The following BBS2 variants were observed in gnomAD, a reference collection of about 807,000 sequenced individuals.
BBS2 encodes the protein Bardet-Biedl syndrome 2, also known as BBSome complex member BBS2.
In BBS2, 62 loss-of-function variants were observed where a neutral mutation model predicts 83.0. That is an observed-to-expected ratio of 0.75 (90% confidence interval 0.61 to 0.92). The LOEUF (loss-of-function observed/expected upper bound fraction) is 0.92. Among genes scored for constraint, BBS2 ranks in the 40% least tolerant of loss-of-function variants. The pLI is 0.00. For missense variants in BBS2, 784 were observed against 901.0 expected, an observed-to-expected ratio of 0.87 and a Z score of 1.66; for synonymous variants, 303 against 326.1, an observed-to-expected ratio of 0.93 and a Z score of 0.76.
rs529330796 is a variant in BBS2 at position 56,476,332 on chromosome 16, CTT to C, written c.*1-5639_*1-5638del. Reference sequence around the variant, plus strand: ...TGACAGTGTTCTTAAAACTGGTTGTCTTTTACTAGGACTCATAATGATTGTCC... The same window carrying C: ...TGACAGTGTTCTTAAAACTGGTTGTCTTACTAGGACTCATAATGATTGTCC... On this transcript the variant is annotated intron_variant, in intron 17 of 17. Coordinates refer to the BBS2 transcript ENST00000682047. 2.4e-5 allele frequency: 19 copies of C among 795,418 alleles called. No individual in the cohort carries two copies. The East Asian group carries it at 4.7e-4, about 20-fold the overall frequency. 49.3% of individuals were successfully genotyped at this position (795,418 alleles called of 1,614,324 possible).
downstream of BBS2, among the ~76,000 whole-genome samples, chr16:56,482,937 A>C (rs757187424): frequency 2.6e-4 from 40 of 152,320 alleles, no homozygotes; most frequent in Non-Finnish European, 3.5e-4. Flanking sequence ...TAAAAGAAGA[A>C]GACATGTTTC....
chr16:56,501,432 C>G lies in BBS2; in HGVS notation c.1146G>C (p.Arg382Ser), dbSNP rs1420277794. The G allele has an allele frequency of 1.2e-6, 2 of 1,614,136 alleles. No individual in the cohort carries two copies. The highest frequency in any genetic ancestry group is 8.5e-7 in the Non-Finnish European group (1 of 1,180,018). ...GHRGIIPANT[R>S]LHTTLSVSLG... ...GGCTGACTGAGAGCGTGGTGTGGAG[C>G]CTGGTATTGGCTGGGATTATGCCCC... The change falls in exon 10 of 17, where the codon AGG becomes AGC. Residue 382 changes from arginine (R) to serine (S), a missense_variant. Transcript: ENST00000245157.
downstream of BBS2, among the ~76,000 whole-genome samples, chr16:56,484,004 ATATTT>A (rs1963705142): frequency 9.8e-6 from 1 of 102,176 alleles, no homozygotes; most frequent in Admixed American, 1.0e-4. Flanking sequence ...CTCAGCCCAA[ATATTT>A]TTTTTTTTTT....
rs73547686 is a variant in BBS2 at position 56,499,047 on chromosome 16, A to G, written c.1528-479T>C. 3.8e-3 allele frequency: 925 copies of G among 244,842 alleles called. 6 individuals are homozygous for G. Among genetic ancestry groups the G allele is most frequent in the African/African-American group, 0.02 (867 of 43,302 alleles). The allele number at this position is 244,842 out of a possible 1,614,324, so 15.2% of individuals were successfully genotyped here. Reference sequence around the variant, plus strand: ...GATATATCCACACAATAAGGAAAATATAAGTTTTAATGTTAATAGCAGTAA... The same window carrying G: ...GATATATCCACACAATAAGGAAAATGTAAGTTTTAATGTTAATAGCAGTAA... On this transcript the variant is annotated intron_variant, in intron 12 of 16. Coordinates refer to ENST00000245157, the MANE Select transcript of BBS2 (RefSeq NM_031885.5).
chr16:56,519,512 A>AC (rs1964855676), intron 1 of BBS2: 1 of 543,836 alleles, frequency 1.8e-6, no homozygotes, highest in Admixed American at 3.1e-5. Flanking sequence ...AGGGACCCCG[A>AC]CCTCGCCTGA....
chr16:56,489,701 G>A lies in BBS2; in HGVS notation c.1911-3963C>T, dbSNP rs533518374. Among the ~76,000 whole-genome samples the A allele has an allele frequency of 1.1e-3, 168 of 152,212 alleles. 1 individual carries two copies. Among genetic ancestry groups the A allele is most frequent in the African/African-American group, 3.5e-3 (144 of 41,530 alleles). The stretch of plus-strand genomic sequence containing the variant: ...TGTAATCCCAGCTACTCGGGAGGCT[G>A]AAGCAGGAGAATGGCTTGAACCAGG... On this transcript the variant is annotated intron_variant, in intron 15 of 16. Transcript: ENST00000245157.
intron 15 of BBS2, among the ~76,000 whole-genome samples, chr16:56,488,338 A>G (rs1389975159): frequency 6.6e-6 from 1 of 152,218 alleles, no homozygotes; most frequent in Non-Finnish European, 1.5e-5. Flanking sequence ...GACTTCAGAT[A>G]CATATCACAA....
intron 15 of BBS2, among the ~76,000 whole-genome samples, chr16:56,490,150 A>ACAC (rs11463734): frequency 6.7e-6 from 1 of 149,816 alleles, no homozygotes; most frequent in African/African-American, 2.5e-5. Flanking sequence ...ACACACACAC[A>ACAC]AAAATAATAA....
intron 2 of BBS2, among the ~76,000 whole-genome samples, chr16:56,513,366 G>A (rs1167762647): frequency 3.3e-5 from 5 of 152,114 alleles, no homozygotes; most frequent in Admixed American, 6.5e-5. Context: ...ATGACATAAC[G>A]GGTATGTAGT....
chr16:56,514,228 C>T (rs1230489444), intron 2 of BBS2, among the ~76,000 whole-genome samples: 1 of 152,184 alleles, frequency 6.6e-6, no homozygotes, highest in African/African-American at 2.4e-5. Flanking sequence ...AGATATACCT[C>T]ATAGAGATAA....
At chr16:56,510,280 G>A (rs1391879805) in intron 4 of BBS2, among the ~76,000 whole-genome samples, 1 of 152,114 alleles carries the variant, frequency 6.6e-6, no homozygotes, top group African/African-American at 2.4e-5. Flanking sequence ...GCCAGAATAC[G>A]TTATTTCCCT....
At chr16:56,508,600 C>T (rs571264993) in intron 5 of BBS2, among the ~76,000 whole-genome samples, 19 of 151,954 alleles carry the variant, frequency 1.3e-4, no homozygotes, top group Admixed American at 4.6e-4. Context: ...GTGCTTTTTG[C>T]TTTATTTTTG....
Position 56,496,956 on chromosome 16 carries a change from C to G in BBS2, c.1910+11G>C, listed in dbSNP as rs763256317. On this transcript the variant is annotated intron_variant, in intron 15 of 16. Transcript: ENST00000245157. The stretch of plus-strand genomic sequence containing the variant: ...AACCCTGCACCTGTACTAACCATGA[C>G]AAATACTCACATGTCCCTCATCAGA... The G allele has an allele frequency of 6.3e-7, 1 of 1,598,628 alleles. No individual in the cohort carries two copies. The highest frequency in any genetic ancestry group is 8.6e-7 in the Non-Finnish European group (1 of 1,165,890).
At chr16:56,483,954 G>A (rs1322190988), downstream of BBS2, among the ~76,000 whole-genome samples, 1 of 150,600 alleles carries the variant, frequency 6.6e-6, no homozygotes, top group African/African-American at 2.5e-5. Context: ...ACCCGCCTTG[G>A]CCTCCCAAAG....
intron 1 of BBS2, among the ~76,000 whole-genome samples, chr16:56,519,094 G>A (rs1432387154): frequency 6.6e-6 from 1 of 152,148 alleles, no homozygotes; most frequent in African/African-American, 2.4e-5. Flanking sequence ...ACTTTGGGAG[G>A]CCGAGGCAGG....
At chr16:56,497,237 C>T in intron 14 of BBS2, 158 bp from the exon 15 acceptor site, 1 of 677,548 alleles carries the variant, frequency 1.5e-6, no homozygotes, top group South Asian at 1.6e-5. Flanking sequence ...TCTGTCTCAA[C>T]AAGTTAACTC....
intron 15 of BBS2, among the ~76,000 whole-genome samples, chr16:56,493,224 A>C (rs1288888034): frequency 6.6e-6 from 1 of 151,880 alleles, no homozygotes; most frequent in Non-Finnish European, 1.5e-5. Context: ...CTGTCTCTAC[A>C]AAAAAATAAA....
chr16:56,476,131 C>T (rs763583244), intron 17 of BBS2: 12 of 1,613,854 alleles, frequency 7.4e-6, no homozygotes, highest in Admixed American at 1.7e-5. Context: ...TATTAACCAC[C>T]GAAGCCTGGA....
intron 15 of BBS2, 71 bp downstream of exon 15, chr16:56,496,896 T>G (rs886581291): frequency 9.3e-7 from 1 of 1,075,920 alleles, no homozygotes; most frequent in African/African-American, 1.5e-5. Flanking sequence ...ATTGGTAACA[T>G]CTGAGAGTTG....
Sources: allele counts gnomAD v4.1 joint callset (sites outside exome capture counted in the v4.1 genomes callset), GRCh38; gene constraint gnomAD v4.1.1; transcripts MANE v1.5; gene names NCBI Gene and HGNC (gene_info 2026-07-23, HGNC 2026-07-21).